The following TRMT44 variants were observed in gnomAD, a reference collection of about 807,000 sequenced individuals.
TRMT44 encodes probable tRNA (uracil-O(2)-)-methyltransferase.
TRMT44 carries 78 observed loss-of-function variants against 77.3 expected under a neutral mutation model. The ratio of observed to expected loss-of-function variants is 1.01; its 90% CI spans 0.84 to 1.22. TRMT44 has a LOEUF of 1.22. TRMT44 is among the 50% of genes most tolerant of loss of function. TRMT44 has a pLI of 0.00. For missense variants in TRMT44, 1,090 were observed against 964.4 expected, an observed-to-expected ratio of 1.13 and a Z score of -1.73; for synonymous variants, 391 against 383.3, an observed-to-expected ratio of 1.02 and a Z score of -0.23.
chr4:8,488,908 A>G (rs1359626093), intron 2 of TRMT44, among the ~76,000 whole-genome samples: 1 of 152,224 alleles, frequency 6.6e-6, no homozygotes, highest in Non-Finnish European at 1.5e-5. Flanking sequence ...AACCACTGCG[A>G]CGAAGGGAGG....
intron 7 of TRMT44, among the ~76,000 whole-genome samples, chr4:8,464,460 G>T (rs192929344): frequency 6.6e-5 from 10 of 152,282 alleles, no homozygotes; most frequent in African/African-American, 1.9e-4. Flanking sequence ...GCCTTTAAAG[G>T]GGAAATCTAC....
chr4:8,467,079 C>T (rs187015457), intron 8 of TRMT44, among the ~76,000 whole-genome samples: 14 of 152,310 alleles, frequency 9.2e-5, no homozygotes, highest in Non-Finnish European at 1.8e-4. Flanking sequence ...GTCTGAAGGG[C>T]ACCCTCCATC....
the TRMT44 span, among the ~76,000 whole-genome samples, chr4:8,516,069 C>T: frequency 2.0e-5 from 3 of 152,138 alleles, no homozygotes; most frequent in East Asian, 3.9e-4. Flanking sequence ...GGTCTGAAAC[C>T]GTCCCTGTAA....
chr4:8,506,054 A>T, the TRMT44 span, among the ~76,000 whole-genome samples: 1 of 152,264 alleles, frequency 6.6e-6, no homozygotes, highest in Non-Finnish European at 1.5e-5. Flanking sequence ...AAATGGACGA[A>T]TACACACAGC....
chr4:8,459,866 G>C (rs956140731), intron 6 of TRMT44, among the ~76,000 whole-genome samples: 2 of 152,236 alleles, frequency 1.3e-5, no homozygotes, highest in African/African-American at 2.4e-5. Context: ...GTGTGCAGCA[G>C]GTTCGAGGGT....
chr4:8,443,837 G>A (rs1408268978), intron 1 of TRMT44, among the ~76,000 whole-genome samples: 1 of 152,086 alleles, frequency 6.6e-6, no homozygotes, highest in Non-Finnish European at 1.5e-5. Flanking sequence ...GCAGGTGCCT[G>A]TAATCCCAGC....
chr4:8,458,868 A>G (rs542513270), intron 6 of TRMT44, among the ~76,000 whole-genome samples: 1 of 152,246 alleles, frequency 6.6e-6, no homozygotes, highest in Admixed American at 6.5e-5. Context: ...CTTCTGGTCA[A>G]CAATAGGCTA....
the TRMT44 span, among the ~76,000 whole-genome samples, chr4:8,516,882 TG>T: frequency 6.6e-6 from 1 of 152,244 alleles, no homozygotes; most frequent in Non-Finnish European, 1.5e-5. Flanking sequence ...AATGTGGCCT[TG>T]GCAATGATGT....
At chr4:8,511,369 G>A in the TRMT44 span, among the ~76,000 whole-genome samples, 1 of 152,162 alleles carries the variant, frequency 6.6e-6, no homozygotes, top group Non-Finnish European at 1.5e-5. Context: ...CTGACTGGGA[G>A]TCAGAATAAT....
At chr4:8,498,750 T>G in the TRMT44 span, among the ~76,000 whole-genome samples, 219 of 152,232 alleles carry the variant, frequency 1.4e-3, no homozygotes, top group Non-Finnish European at 2.3e-3. The surrounding 1 kb of genome is among the most constrained non-coding windows in gnomAD (Gnocchi z 4.3). Context: ...TGGCTGATGG[T>G]CTGTGAGTAG....
At chr4:8,450,848 G>A (rs111346169) in intron 3 of TRMT44, among the ~76,000 whole-genome samples, 2,027 of 149,202 alleles carry the variant, frequency 0.014, 13 homozygotes, top group Middle Eastern at 0.037. Context: ...CCTAGGCTGG[G>A]GTGCAGTGGT....
chr4:8,462,894 T>C (rs1207302721), intron 6 of TRMT44, among the ~76,000 whole-genome samples: 2 of 152,150 alleles, frequency 1.3e-5, no homozygotes, highest in African/African-American at 4.8e-5. Flanking sequence ...TGAGTGGGAA[T>C]CAAGAATAAA....
the TRMT44 span, among the ~76,000 whole-genome samples, chr4:8,504,882 A>G: frequency 5.3e-4 from 80 of 152,228 alleles, no homozygotes; most frequent in Non-Finnish European, 6.8e-4. The surrounding 1 kb of genome is among the most constrained non-coding windows in gnomAD (Gnocchi z 5.3). Flanking sequence ...TGGATTCTAA[A>G]TAGGCCCCCG....
At chr4:8,450,369 T>C (rs945900062) in intron 3 of TRMT44, among the ~76,000 whole-genome samples, 1 of 152,164 alleles carries the variant, frequency 6.6e-6, no homozygotes, top group African/African-American at 2.4e-5. Flanking sequence ...GGAAAAGGAT[T>C]GATCTTTACT....
downstream of TRMT44, chr4:8,478,570 C>G (rs999428811): frequency 6.6e-6 from 1 of 152,590 alleles, no homozygotes; most frequent in Non-Finnish European, 1.5e-5. Flanking sequence ...AACAGTACAT[C>G]TGTGGATGAA....
At position 8,454,758 on chromosome 4, in the gene TRMT44, T is replaced by C; in HGVS notation, c.1148T>C (p.Ile383Thr). The C allele has an allele frequency of 1.2e-6, 2 of 1,614,194 alleles. No homozygotes were observed. Among genetic ancestry groups the C allele is most frequent in the East Asian group, 2.2e-5 (1 of 44,888 alleles). The change falls in exon 6 of 11, where the codon ATT becomes ACT. Residue 383 changes from isoleucine to threonine, a missense_variant. By Grantham distance (89) the Ile-to-Thr change is moderately conservative. Coordinates refer to ENST00000389737, the MANE Select transcript of TRMT44 (RefSeq NM_152544.3). ...LSSEGHPGRG[I>T]DVRRRKIWDM... is the part of the protein sequence containing the mutation. ...TTTTTTCAGCATCCAGGCAGAGGGA[T>C]TGATGTCCGAAGAAGAAAAATCTGG...
Position 8,440,984 on chromosome 4 carries a change from G to T in TRMT44, c.162G>T (p.Ala54=), listed in dbSNP as rs964078370. 7 of 1,522,982 alleles carry T rather than the reference G, an allele frequency of 4.6e-6. No homozygotes were observed. The highest frequency in any genetic ancestry group is 6.1e-6 in the Non-Finnish European group (7 of 1,142,176). The allele number at this position is 1,522,982 out of a possible 1,614,324, so 94.3% of individuals were successfully genotyped here. A position where few individuals can be genotyped will look rare whatever the true frequency, so the allele number is the denominator to read the frequency against. ...GCTGGAGCGCCGCCCTGCCCTGCGC[G>T]GAGGCCCGCGGCCCCGGGACTAGCG... is the stretch of plus-strand genomic sequence containing the variant. ...EARWSAALPC[A]EARGPGTSAG... is the part of the protein sequence containing the mutation. Residue 54 remains alanine, a synonymous_variant, in exon 1 of 11, where the codon GCG becomes GCT. Transcript: ENST00000389737.
At chr4:8,450,221 C>G (rs1332989923) in intron 3 of TRMT44, among the ~76,000 whole-genome samples, 1 of 151,808 alleles carries the variant, frequency 6.6e-6, no homozygotes, top group Non-Finnish European at 1.5e-5. Context: ...CAGGTGTGAG[C>G]CACCGTGTCC....
downstream of TRMT44, among the ~76,000 whole-genome samples, chr4:8,497,186 A>G (rs147126726): frequency 3.9e-3 from 597 of 152,140 alleles, 3 homozygotes; most frequent in Middle Eastern, 0.027. Context: ...AGAAAGACCA[A>G]TTCCTTTACT....
Sources: allele counts gnomAD v4.1 joint callset (sites outside exome capture counted in the v4.1 genomes callset), GRCh38; gene constraint gnomAD v4.1.1; non-coding constraint Gnocchi (gnomAD v3.1); transcripts MANE v1.5; gene names NCBI Gene and HGNC (gene_info 2026-07-23, HGNC 2026-07-21).